Variants in TMEM163 observed in about 807,000 individuals in gnomAD.
TMEM163 encodes the protein transmembrane protein 163.
Under a neutral mutation model 29.3 loss-of-function variants are expected in TMEM163, and 17 were observed. The observed-to-expected ratio is 0.58, with a 90% CI of 0.40 to 0.87. The LOEUF is 0.87. Ranked by LOEUF, TMEM163 falls within the 40% of genes least tolerant of loss-of-function variation. The pLI is 0.00. For synonymous variants in TMEM163, 157 were observed against 160.6 expected (o/e 0.98, Z 0.17); for missense variants, 303 against 381.5 (o/e 0.79, Z 1.71).
intron 4 of TMEM163, among the ~76,000 whole-genome samples, chr2:134,503,987 G>T (rs1249757679): frequency 1.3e-5 from 2 of 152,318 alleles, no homozygotes; most frequent in East Asian, 3.9e-4. Context: ...TGACTACAGT[G>T]AGGTTGAGAT....
intron 2 of TMEM163, among the ~76,000 whole-genome samples, chr2:134,650,512 GT>G (rs1464901397): frequency 1.6e-5 from 2 of 128,976 alleles, no homozygotes; most frequent in Admixed American, 1.5e-4. Flanking sequence ...TCTTTTTTTT[GT>G]TTGTTTGTTT....
intron 2 of TMEM163, among the ~76,000 whole-genome samples, chr2:134,601,207 T>C (rs1452604110): frequency 6.6e-6 from 1 of 152,162 alleles, no homozygotes; most frequent in African/African-American, 2.4e-5. Flanking sequence ...TCTTCTGATT[T>C]TAAAAGAAAT....
intron 5 of TMEM163, among the ~76,000 whole-genome samples, chr2:134,496,213 C>T (rs1322404964): frequency 6.6e-6 from 1 of 152,134 alleles, no homozygotes; most frequent in Non-Finnish European, 1.5e-5. Context: ...AGGTGCCCAC[C>T]ACCACGCCCA....
At chr2:134,465,422 G>A (rs1052752686) in intron 6 of TMEM163, among the ~76,000 whole-genome samples, 10 of 152,138 alleles carry the variant, frequency 6.6e-5, no homozygotes, top group African/African-American at 1.4e-4. Context: ...CCTGGGCTCC[G>A]CACATGCCCA....
chr2:134,652,080 G>A lies in TMEM163; in HGVS notation c.322+61120C>T, dbSNP rs1449790156. 1.4e-5 allele frequency among the ~76,000 whole-genome samples: 2 copies of A among 140,886 alleles called. 1 individual carries two copies. The highest frequency in any genetic ancestry group is 5.9e-5 in the African/African-American group (2 of 33,712). The allele number at this position is 140,886 out of a possible 152,430, so 92.4% of individuals were successfully genotyped here. ...AGAGTAGTTTTTTCCAATTCTGTGA[G>A]GAAAGTCATTGGTAGCTTTATGGGA... On this transcript the variant is annotated intron_variant, in intron 2 of 7. Coordinates refer to ENST00000281924, the MANE Select transcript of TMEM163 (RefSeq NM_030923.5).
chr2:134,466,528 A>C (rs1686672785), intron 5 of TMEM163: 1 of 288,158 alleles, frequency 3.5e-6, no homozygotes, highest in Non-Finnish European at 6.7e-6. Context: ...GATCAATAAC[A>C]GAGTTGGTCA....
At position 134,460,561 on chromosome 2, in the gene TMEM163, C is replaced by T. The variant is rs756453243; in HGVS notation, c.668-2388G>A. Reference sequence around the variant, plus strand: ...ACCGCTGCATTAACAAGTGACCACACGAAGGAGGAAGTAGGCAGGCAGGCA... The same window carrying T: ...ACCGCTGCATTAACAAGTGACCACATGAAGGAGGAAGTAGGCAGGCAGGCA... On this transcript the variant is annotated intron_variant, in intron 6 of 7. Coordinates refer to ENST00000281924, the MANE Select transcript of TMEM163 (RefSeq NM_030923.5). This position sits in a 1 kb window ranked among gnomAD's most constrained non-coding sequence, Gnocchi z 4.3. Among the ~76,000 whole-genome samples, 1 of 152,114 alleles carries T rather than the reference C, an allele frequency of 6.6e-6. No individual in the cohort carries two copies. The highest frequency in any genetic ancestry group is 1.5e-5 in the Non-Finnish European group (1 of 68,020).
rs542800951 is a variant in TMEM163, at chr2:134,504,790, G to A, written c.459-1793C>T. ...ATGTGCTGCCTGTGTGTGACAGTGC[G>A]CCTGGGGCTGGGAACCACAGTCCTA... On this transcript the variant is annotated intron_variant, in intron 4 of 7. Transcript: ENST00000281924. 9.5e-4 allele frequency among the ~76,000 whole-genome samples: 144 copies of A among 152,324 alleles called. 1 individual carries two copies. The Middle Eastern group carries it at 0.01, about 11-fold the overall frequency.
At chr2:134,521,659 T>C (rs1316145145) in intron 4 of TMEM163, among the ~76,000 whole-genome samples, 1 of 152,180 alleles carries the variant, frequency 6.6e-6, no homozygotes, top group East Asian at 1.9e-4. Context: ...TTGGGTAACA[T>C]GTGGACTGCC....
chr2:134,465,925 G>A (rs1023252653), intron 6 of TMEM163, among the ~76,000 whole-genome samples, 189 bp downstream of exon 6: 1 of 152,150 alleles, frequency 6.6e-6, no homozygotes. Context: ...AATTCCCAGG[G>A]CACAGGATAT....
At chr2:134,579,793 T>C (rs759602743) in intron 2 of TMEM163, among the ~76,000 whole-genome samples, 7 of 152,176 alleles carry the variant, frequency 4.6e-5, no homozygotes, top group Non-Finnish European at 7.3e-5. Context: ...CACAAAGTTG[T>C]GAAAATTAAA....
At chr2:134,611,907 G>T (rs1574280140) in intron 2 of TMEM163, among the ~76,000 whole-genome samples, 1 of 152,208 alleles carries the variant, frequency 6.6e-6, no homozygotes, top group East Asian at 1.9e-4. Context: ...TAGCCACAAT[G>T]ATAGGCCTGT....
At chr2:134,558,846 G>A (rs1487464584) in intron 2 of TMEM163, among the ~76,000 whole-genome samples, 1 of 152,124 alleles carries the variant, frequency 6.6e-6, no homozygotes, top group Non-Finnish European at 1.5e-5. Context: ...ACACCTCCAA[G>A]TTGCAAAATT....
rs923200963 is a variant in TMEM163, at chr2:134,552,692, T to A, written c.323-601A>T. On this transcript the variant is annotated intron_variant, in intron 2 of 7. Coordinates refer to ENST00000281924, the MANE Select transcript of TMEM163 (RefSeq NM_030923.5). ...TTTTTTTTTTTTTGAGACAGAGTCT[T>A]GCTGTGTCACTCAGGCTGGAGTGCA... Among the ~76,000 whole-genome samples, 3 of 148,330 alleles carry A rather than the reference T, an allele frequency of 2.0e-5. No homozygotes were observed. The East Asian group carries it at 5.9e-4, about 29-fold the overall frequency.
chr2:134,666,928 T>C (rs575447141), intron 2 of TMEM163, among the ~76,000 whole-genome samples: 2 of 152,296 alleles, frequency 1.3e-5, no homozygotes, highest in African/African-American at 4.8e-5. Flanking sequence ...TGGGAGGATG[T>C]CGTCTTCTCC....
At chr2:134,474,032 C>G (rs1686863595) in intron 5 of TMEM163, among the ~76,000 whole-genome samples, 1 of 152,124 alleles carries the variant, frequency 6.6e-6, no homozygotes, top group South Asian at 2.1e-4. Context: ...GCCAGCATTA[C>G]CATGACACTA....
intron 5 of TMEM163, among the ~76,000 whole-genome samples, chr2:134,502,188 G>A (rs985829283): frequency 1.3e-5 from 2 of 152,174 alleles, no homozygotes; most frequent in East Asian, 3.8e-4. Flanking sequence ...CACATCCTAA[G>A]AGGAGACCAG....
rs114091793 is a variant in TMEM163 at position 134,481,064 on chromosome 2, T to C, written c.556-14839A>G. ...TAATTTCTTCTACTCTTGGATTTTA[T>C]ATAAGTGGAATCACACAGTATGAAT... On this transcript the variant is annotated intron_variant, in intron 5 of 7. Transcript: ENST00000281924. 7.5e-4 allele frequency among the ~76,000 whole-genome samples: 114 copies of C among 152,324 alleles called. 1 individual carries two copies. The highest frequency in any genetic ancestry group is 2.5e-3 in the African/African-American group (104 of 41,560).
chr2:134,634,005 AT>A (rs1558971922), intron 2 of TMEM163, among the ~76,000 whole-genome samples: 18 of 30,232 alleles, frequency 6.0e-4, no homozygotes, highest in African/African-American at 2.1e-3. Flanking sequence ...ATATATATAT[AT>A]ATATATATAT....
Sources: allele counts gnomAD v4.1 joint callset (sites outside exome capture counted in the v4.1 genomes callset), GRCh38; gene constraint gnomAD v4.1.1; non-coding constraint Gnocchi (gnomAD v3.1); transcripts MANE v1.5; gene names NCBI Gene and HGNC (gene_info 2026-07-23, HGNC 2026-07-21).